ISM1: variants seen among roughly 807,000 people sequenced by gnomAD.
ISM1 encodes isthmin 1, also known as isthmin-1.
Under a neutral mutation model 46.3 loss-of-function variants are expected in ISM1, and 25 were observed. That is an observed-to-expected ratio of 0.54 (90% CI 0.39 to 0.75). The LOEUF (loss-of-function observed/expected upper bound fraction) is 0.75, where lower values mean the gene tolerates loss of function less well. Among genes scored for constraint, ISM1 ranks in the 30% least tolerant of loss-of-function variants. ISM1 has a pLI of 0.00. For synonymous variants in ISM1, 255 were observed against 256.7 expected, an observed-to-expected ratio of 0.99 and a Z score of 0.06; for missense variants, 536 against 625.4, an observed-to-expected ratio of 0.86 and a Z score of 1.52.
intron 3 of ISM1, among the ~76,000 whole-genome samples, 170 bp from the exon 4 acceptor site, chr20:13,288,370 C>A (rs1423791420): frequency 1.3e-5 from 2 of 152,182 alleles, no homozygotes; most frequent in Non-Finnish European, 2.9e-5. Flanking sequence ...AAGCTGATCC[C>A]TAAATGAGCC....
intron 1 of ISM1, 107 bp downstream of exon 1, chr20:13,222,021 A>C (rs1600468314): frequency 9.5e-7 from 1 of 1,051,288 alleles, no homozygotes; most frequent in Non-Finnish European, 1.2e-6. Flanking sequence ...CCCCTGCCCC[A>C]CCTAAGAGCA....
At chr20:13,308,317 G>C in the ISM1 span, among the ~76,000 whole-genome samples, 1 of 152,122 alleles carries the variant, frequency 6.6e-6, no homozygotes, top group Non-Finnish European at 1.5e-5. Context: ...CCAAATGAGG[G>C]TGTGATTAAT....
intron 3 of ISM1, among the ~76,000 whole-genome samples, chr20:13,283,049 A>AT (rs1568685512): frequency 6.6e-6 from 1 of 152,042 alleles, no homozygotes; most frequent in African/African-American, 2.4e-5. Context: ...TATTTATTTA[A>AT]TTTTTTTAAG....
rs368601883 is a variant in ISM1, at chr20:13,299,019, C to T, written c.955C>T (p.Leu319=). The T allele has an allele frequency of 1.1e-5, 18 of 1,613,596 alleles. No individual in the cohort carries two copies. The African/African-American group carries it at 2.1e-4, about 19-fold the overall frequency. The part of the protein sequence containing the change: ...KKYMHKVMND[L]PSCPCSYPTE... ...GTACATGCACAAGGTGATGAATGAC[C>T]TGCCCAGCTGCCCCTGCTCCTACCC... Residue 319 remains leucine, a synonymous_variant, in exon 6 of 6, where the codon CTG becomes TTG. Coordinates refer to ENST00000262487, the MANE Select transcript of ISM1 (RefSeq NM_080826.2). This position sits in a 1 kb window ranked among gnomAD's most constrained non-coding sequence, Gnocchi z 5.8.
intron 1 of ISM1, among the ~76,000 whole-genome samples, chr20:13,246,250 GCAA>G (rs1218557594): frequency 6.7e-6 from 1 of 148,918 alleles, no homozygotes; most frequent in Non-Finnish European, 1.5e-5. Flanking sequence ...TTTAGCCTGG[GCAA>G]CACAGCGAGA....
At chr20:13,281,734 C>T (rs1358782817) in intron 3 of ISM1, among the ~76,000 whole-genome samples, 8 of 152,130 alleles carry the variant, frequency 5.3e-5, no homozygotes, top group Admixed American at 2.0e-4. Flanking sequence ...AAAAGATCAG[C>T]GCCACTGAGT....
intron 5 of ISM1, among the ~76,000 whole-genome samples, chr20:13,296,957 G>A (rs1230060829): frequency 6.6e-6 from 1 of 152,100 alleles, no homozygotes; most frequent in African/African-American, 2.4e-5. Flanking sequence ...AGCAGAGGTT[G>A]CAGTGAGCTG....
chr20:13,287,605 G>C (rs1371781712), intron 3 of ISM1, among the ~76,000 whole-genome samples: 17 of 152,054 alleles, frequency 1.1e-4, no homozygotes, highest in Admixed American at 1.1e-3. Context: ...TGTGTTTATT[G>C]ATGATTGTTT....
chr20:13,247,306 AAACTTTTC>A (rs1407679438), intron 1 of ISM1, among the ~76,000 whole-genome samples: 1 of 151,554 alleles, frequency 6.6e-6, no homozygotes, highest in African/African-American at 2.4e-5. Flanking sequence ...TCTGTGAAGT[AAACTTTTC>A]AACTTACCAA....
chr20:13,268,114 G>GTCTTCTCTTCTCTTC (rs766774336), intron 1 of ISM1, among the ~76,000 whole-genome samples: 12,162 of 140,034 alleles, frequency 0.087, 786 homozygotes, highest in East Asian at 0.14. Context: ...CTCCTCTCCT[G>GTCTTCTCTTCTCTTC]TCTTCTCTTC....
intron 1 of ISM1, among the ~76,000 whole-genome samples, chr20:13,257,809 T>G (rs546990361): frequency 2.0e-5 from 3 of 152,166 alleles, no homozygotes; most frequent in Admixed American, 6.5e-5. Flanking sequence ...CCAGTGTTCT[T>G]GAGCCAGTCC....
chr20:13,310,270 T>C, the ISM1 span, among the ~76,000 whole-genome samples: 5 of 152,160 alleles, frequency 3.3e-5, no homozygotes, highest in Non-Finnish European at 5.9e-5. Flanking sequence ...AAAGTAAATC[T>C]ACAAATTTGT....
In ISM1 at chr20:13,288,699, T is replaced by C. The variant is rs1187011467; in HGVS notation, c.787+16T>C. On this transcript the variant is annotated intron_variant, in intron 4 of 5. Transcript: ENST00000262487. ...AACTGCCCAGGTGCGTTTACCTGAG[T>C]GTGTAGCTCCAAGTTCAAGGGGAAA... is the stretch of plus-strand genomic sequence containing the variant. 2 of 1,601,266 alleles carry C rather than the reference T, an allele frequency of 1.2e-6. No individual in the cohort carries two copies. Among genetic ancestry groups the C allele is most frequent in the African/African-American group, 2.7e-5 (2 of 74,644 alleles).
the ISM1 span, among the ~76,000 whole-genome samples, chr20:13,325,288 G>A: frequency 6.6e-6 from 1 of 152,170 alleles, no homozygotes; most frequent in Non-Finnish European, 1.5e-5. Flanking sequence ...TCTGAAATGC[G>A]AGGTTGCACA....
chr20:13,292,256 G>A, intron 4 of ISM1, 118 bp from the exon 5 acceptor site: 2 of 650,862 alleles, frequency 3.1e-6, no homozygotes, highest in Admixed American at 3.0e-5. Context: ...TTCTGCCCGT[G>A]AGTAGTAATG....
the ISM1 span, among the ~76,000 whole-genome samples, chr20:13,311,757 T>C: frequency 6.6e-6 from 1 of 151,802 alleles, no homozygotes; most frequent in Non-Finnish European, 1.5e-5. Flanking sequence ...CAGCAGAGAG[T>C]AGAATGGTAG....
the ISM1 span, among the ~76,000 whole-genome samples, chr20:13,323,347 C>A: frequency 6.6e-6 from 1 of 152,084 alleles, no homozygotes; most frequent in Non-Finnish European, 1.5e-5. Context: ...CGGAGCAAGG[C>A]AAGAAAGTTG....
rs79017662 is a variant in ISM1, at chr20:13,279,147, A to C, written c.379-487A>C. ...GGTCTTTACAAGAGTTAAATAATAC[A>C]GGTGGAGCATTTAGGATAGTGCCTG... On this transcript the variant is annotated intron_variant, in intron 2 of 5. Coordinates refer to ENST00000262487, the MANE Select transcript of ISM1 (RefSeq NM_080826.2). Among the ~76,000 whole-genome samples the C allele has an allele frequency of 6.0e-4, 92 of 152,298 alleles. No homozygotes were observed. In the East Asian group the frequency reaches 0.017, roughly 27 times the overall value.
chr20:13,321,246 C>T, the ISM1 span, among the ~76,000 whole-genome samples: 1 of 77,692 alleles, frequency 1.3e-5, no homozygotes, highest in African/African-American at 6.1e-5. Flanking sequence ...TAGTCATGTG[C>T]CCCACATAAA....
Sources: allele counts gnomAD v4.1 joint callset (sites outside exome capture counted in the v4.1 genomes callset), GRCh38; gene constraint gnomAD v4.1.1; non-coding constraint Gnocchi (gnomAD v3.1); transcripts MANE v1.5; gene names NCBI Gene and HGNC (gene_info 2026-07-23, HGNC 2026-07-21).